Variants in PTPN3 observed in about 807,000 individuals in gnomAD.
PTPN3 encodes tyrosine-protein phosphatase non-receptor type 3.
A neutral mutation model predicts 132.7 loss-of-function variants in PTPN3; 96 were observed. That is an observed-to-expected ratio of 0.72 (90% CI 0.61 to 0.86). The LOEUF is 0.86. PTPN3 is among the 40% of genes least tolerant of loss of function. The pLI, the probability that PTPN3 is intolerant of heterozygous loss-of-function variation, is 0.00. For missense variants in PTPN3, 1,125 were observed against 1,159.6 expected, an observed-to-expected ratio of 0.97 and a Z score of 0.43; for synonymous variants, 398 against 429.0, an observed-to-expected ratio of 0.93 and a Z score of 0.89.
chr9:109,463,162 C>A, intron 2 of PTPN3, 135 bp downstream of exon 2: 1 of 965,022 alleles, frequency 1.0e-6, no homozygotes, highest in Non-Finnish European at 1.5e-6. Flanking sequence ...CCAGTGCAAT[C>A]TCAACATACA....
the PTPN3 span, among the ~76,000 whole-genome samples, chr9:109,516,382 G>A: frequency 6.6e-6 from 1 of 152,208 alleles, no homozygotes; most frequent in Non-Finnish European, 1.5e-5. Context: ...TGTCTGGTGG[G>A]TTAGAGAAGC....
At chr9:109,411,578 C>A (rs764220850) in intron 14 of PTPN3, among the ~76,000 whole-genome samples, 3 of 152,156 alleles carry the variant, frequency 2.0e-5, no homozygotes, top group Non-Finnish European at 4.4e-5. Flanking sequence ...CTGCCCCACC[C>A]TAACCTCATC....
At chr9:109,529,478 T>C in the PTPN3 span, among the ~76,000 whole-genome samples, 1 of 152,222 alleles carries the variant, frequency 6.6e-6, no homozygotes, top group Non-Finnish European at 1.5e-5. Flanking sequence ...TAATCCTTTT[T>C]CACAGCAGGA....
intron 25 of PTPN3, among the ~76,000 whole-genome samples, chr9:109,380,445 G>A (rs868854846): frequency 9.7e-4 from 148 of 152,250 alleles, no homozygotes; most frequent in African/African-American, 3.2e-3. Flanking sequence ...CATTAGAGAC[G>A]GGGTTTCACT....
At chr9:109,393,107 T>C (rs1382322871) in intron 19 of PTPN3, among the ~76,000 whole-genome samples, 1 of 152,202 alleles carries the variant, frequency 6.6e-6, no homozygotes, top group Non-Finnish European at 1.5e-5. Context: ...TCAAGCTAAT[T>C]TGGCCGTGGA....
chr9:109,417,964 C>A (rs1842642398), intron 14 of PTPN3, among the ~76,000 whole-genome samples: 1 of 152,192 alleles, frequency 6.6e-6, no homozygotes, highest in Non-Finnish European at 1.5e-5. Context: ...TTACATCAAA[C>A]AGTGCTTGAA....
intron 22 of PTPN3, among the ~76,000 whole-genome samples, chr9:109,385,256 A>AG (rs1271163080): frequency 6.6e-6 from 1 of 152,232 alleles, no homozygotes; most frequent in Non-Finnish European, 1.5e-5. Context: ...AAGTCTGTGG[A>AG]GATCCTGAGT....
chr9:109,447,603 T>C (rs1434693567), intron 6 of PTPN3, among the ~76,000 whole-genome samples: 2 of 152,262 alleles, frequency 1.3e-5, no homozygotes, highest in East Asian at 3.9e-4. Flanking sequence ...CTGGAAATCC[T>C]TTCCTCAAGG....
intron 14 of PTPN3, among the ~76,000 whole-genome samples, chr9:109,414,762 C>T (rs541533574): frequency 7.3e-4 from 111 of 152,334 alleles, no homozygotes; most frequent in African/African-American, 2.6e-3. Context: ...AAACCTCGGT[C>T]AATTCATCCC....
chr9:109,509,978 A>AAGGAAATGGGGATAGG, the PTPN3 span, among the ~76,000 whole-genome samples: 3 of 152,166 alleles, frequency 2.0e-5, no homozygotes, highest in South Asian at 6.2e-4. Context: ...TTTTGTACCC[A>AAGGAAATGGGGATAGG]CAAGGAAATG....
At chr9:109,513,738 T>A in the PTPN3 span, among the ~76,000 whole-genome samples, 1 of 152,206 alleles carries the variant, frequency 6.6e-6, no homozygotes. Flanking sequence ...GGCCTTTGTC[T>A]TTTTCTGCTT....
the PTPN3 span, among the ~76,000 whole-genome samples, chr9:109,529,685 A>G: frequency 6.6e-6 from 1 of 152,310 alleles, no homozygotes; most frequent in South Asian, 2.1e-4. Context: ...TTACCACCTT[A>G]AGCATTTATG....
At chr9:109,382,544 T>C (rs1839199245) in intron 23 of PTPN3, 97 bp from the exon 24 acceptor site, 1 of 1,380,328 alleles carries the variant, frequency 7.2e-7, no homozygotes, top group Non-Finnish European at 1.0e-6. Flanking sequence ...CTCCTGATGC[T>C]TTCTCCCTCT....
the PTPN3 span, among the ~76,000 whole-genome samples, chr9:109,526,362 A>G: frequency 7.9e-5 from 12 of 151,602 alleles, no homozygotes; most frequent in African/African-American, 2.9e-4. Flanking sequence ...TAAAGTGGAA[A>G]TGATTAGTTT....
intron 23 of PTPN3, among the ~76,000 whole-genome samples, 171 bp from the exon 24 acceptor site, chr9:109,382,618 T>G (rs1275074452): frequency 2.0e-5 from 3 of 151,970 alleles, no homozygotes. Context: ...CCCCATCCCC[T>G]CTCAGGCTCA....
At chr9:109,538,222 G>A in the PTPN3 span, among the ~76,000 whole-genome samples, 3 of 152,186 alleles carry the variant, frequency 2.0e-5, no homozygotes, top group African/African-American at 7.2e-5. Flanking sequence ...GTTTTTGAAA[G>A]GAACTTACAG....
intron 7 of PTPN3, 32 bp from the exon 8 acceptor site, chr9:109,438,266 T>C (rs754485361): frequency 6.3e-7 from 1 of 1,596,330 alleles, no homozygotes; most frequent in Middle Eastern, 1.7e-4. Context: ...AAAATCATAA[T>C]TAGTTTTGCC....
At chr9:109,395,792 G>T (rs557199605) in intron 19 of PTPN3, among the ~76,000 whole-genome samples, 1 of 151,020 alleles carries the variant, frequency 6.6e-6, no homozygotes, top group East Asian at 1.9e-4. Flanking sequence ...GTCTGTGTGT[G>T]TCTGTCTGTG....
At chr9:109,398,797 A>C (rs1241449728) in intron 19 of PTPN3, among the ~76,000 whole-genome samples, 2 of 152,212 alleles carry the variant, frequency 1.3e-5, no homozygotes, top group African/African-American at 4.8e-5. Flanking sequence ...GCTTTTATCC[A>C]GGAAAGTCTA....
Sources: gnomAD v4.1 joint callset for allele counts (sites outside exome capture counted in the v4.1 genomes callset) on GRCh38, gnomAD v4.1.1 for gene constraint, MANE v1.5 for transcripts, NCBI Gene and HGNC (gene_info 2026-07-23, HGNC 2026-07-21) for gene names.